Variants in ITPK1 observed in about 807,000 individuals in gnomAD.
ITPK1 encodes inositol-tetrakisphosphate 1-kinase.
A neutral mutation model predicts 45.3 loss-of-function variants in ITPK1; 21 were observed. The ratio of observed to expected loss-of-function variants is 0.46; its 90% confidence interval spans 0.33 to 0.67. ITPK1 has a LOEUF of 0.67. ITPK1 is among the 30% of genes least tolerant of loss of function. The pLI is 0.02. For missense variants in ITPK1, 474 were observed against 573.5 expected (o/e 0.83, Z 1.77); for synonymous variants, 258 against 253.6 (o/e 1.02, Z -0.16).
intron 5 of ITPK1, among the ~76,000 whole-genome samples, chr14:92,973,843 G>A (rs1385330441): frequency 6.6e-6 from 1 of 152,212 alleles, no homozygotes; most frequent in Non-Finnish European, 1.5e-5. Flanking sequence ...CCAATCTGAA[G>A]GGACTTAGAG....
chr14:92,959,312 G>A (rs761040646), intron 7 of ITPK1, among the ~76,000 whole-genome samples: 1 of 152,244 alleles, frequency 6.6e-6, no homozygotes, highest in Non-Finnish European at 1.5e-5. Context: ...GCCACCAGAC[G>A]GCTGGGGCTG....
At chr14:93,073,524 G>T (rs77296296) in intron 3 of ITPK1, among the ~76,000 whole-genome samples, 1,883 of 152,306 alleles carry the variant, frequency 0.012, 40 homozygotes, top group East Asian at 0.095. Flanking sequence ...TGTTACTGTT[G>T]CCATTAAATA....
At chr14:93,044,566 C>T (rs938960829) in intron 3 of ITPK1, among the ~76,000 whole-genome samples, 3 of 152,148 alleles carry the variant, frequency 2.0e-5, no homozygotes, top group Admixed American at 6.6e-5. Flanking sequence ...AGCCACAGGG[C>T]CCCCCAGGTA....
intron 3 of ITPK1, among the ~76,000 whole-genome samples, chr14:93,049,340 G>A (rs1054567440): frequency 6.6e-6 from 1 of 152,216 alleles, no homozygotes; most frequent in Admixed American, 6.5e-5. Context: ...AACACAGTCG[G>A]CTCAGAGGAG....
chr14:92,948,205 G>T (rs777387036), intron 9 of ITPK1, among the ~76,000 whole-genome samples: 4 of 152,140 alleles, frequency 2.6e-5, no homozygotes, highest in Admixed American at 6.5e-5. Flanking sequence ...GAAATGGGGA[G>T]TGAGTGCCGG....
In ITPK1 at chr14:93,046,772, G is replaced by A. The variant is rs192245502; in HGVS notation, c.120+29823C>T. ...TAGTGAATGAATAAAAGCAGCAAAC[G>A]ATGGTTCATTACCATCAAAGCTCAG... is the stretch of plus-strand genomic sequence containing the variant. On this transcript the variant is annotated intron_variant, in intron 3 of 10. Coordinates refer to ENST00000267615, the MANE Select transcript of ITPK1 (RefSeq NM_014216.6). 1.1e-4 allele frequency among the ~76,000 whole-genome samples: 17 copies of A among 152,256 alleles called. No individual in the cohort carries two copies. In the East Asian group the frequency reaches 1.2e-3, roughly 10 times the overall value.
intron 5 of ITPK1, among the ~76,000 whole-genome samples, chr14:92,964,419 G>C (rs71430779): frequency 7.9e-5 from 12 of 152,206 alleles, no homozygotes; most frequent in African/African-American, 2.9e-4. Context: ...GGAGGGAGGG[G>C]AGCTGGTGCT....
intron 4 of ITPK1, among the ~76,000 whole-genome samples, chr14:93,006,292 G>A (rs550369987): frequency 6.6e-6 from 1 of 152,304 alleles, no homozygotes; most frequent in South Asian, 2.1e-4. Context: ...TGGAGCAGAC[G>A]CCAACAACAA....
At chr14:93,068,018 A>G (rs1040287635) in intron 3 of ITPK1, 1 of 153,634 alleles carries the variant, frequency 6.5e-6, no homozygotes, top group Non-Finnish European at 1.5e-5. Flanking sequence ...AAAAAAAAAA[A>G]AATACTATAT....
rs1022722755 is a variant in ITPK1, at chr14:93,099,470, C to T, written c.95+15599G>A. Among the ~76,000 whole-genome samples the T allele has an allele frequency of 2.0e-5, 3 of 152,326 alleles. No homozygotes were observed. The South Asian group carries it at 6.2e-4, about 32-fold the overall frequency. ...AGCGACAGTGGGGCAGGAAAGATGT[C>T]ATCCTTCTCCAGGAACTCAGGCAGC... On this transcript the variant is annotated intron_variant, in intron 2 of 10. Coordinates refer to ENST00000267615, the MANE Select transcript of ITPK1 (RefSeq NM_014216.6).
At chr14:93,088,063 C>T (rs1891716979) in intron 2 of ITPK1, among the ~76,000 whole-genome samples, 3 of 152,214 alleles carry the variant, frequency 2.0e-5, no homozygotes, top group Admixed American at 2.0e-4. Context: ...CTAAAACAGG[C>T]AGCGCTTCAT....
At chr14:93,064,692 G>A (rs896121759) in intron 3 of ITPK1, among the ~76,000 whole-genome samples, 1 of 152,206 alleles carries the variant, frequency 6.6e-6, no homozygotes, top group South Asian at 2.1e-4. Flanking sequence ...GAAAGACTCA[G>A]ATTGACAGTC....
At chr14:93,074,617 C>T (rs544521378) in intron 3 of ITPK1, among the ~76,000 whole-genome samples, 6 of 152,330 alleles carry the variant, frequency 3.9e-5, no homozygotes, top group Non-Finnish European at 8.8e-5. Context: ...CATGGACCCT[C>T]CCAAGTGGCT....
intron 3 of ITPK1, among the ~76,000 whole-genome samples, chr14:93,051,177 C>T (rs767541696): frequency 6.6e-6 from 1 of 152,230 alleles, no homozygotes; most frequent in Non-Finnish European, 1.5e-5. Flanking sequence ...GCTCTCTGCA[C>T]ATACACATGC....
At chr14:93,106,733 C>T (rs979259843) in intron 2 of ITPK1, among the ~76,000 whole-genome samples, 5 of 152,118 alleles carry the variant, frequency 3.3e-5, no homozygotes, top group South Asian at 2.1e-4. Context: ...GTGTACATGC[C>T]GGCAAGGACC....
intron 2 of ITPK1, among the ~76,000 whole-genome samples, chr14:93,093,217 C>T (rs1430026028): frequency 2.6e-5 from 4 of 152,352 alleles, no homozygotes; most frequent in East Asian, 1.9e-4. Context: ...TACATGGACA[C>T]GGCAGAAAGG....
chr14:93,097,158 C>G (rs1278912943), intron 2 of ITPK1, among the ~76,000 whole-genome samples: 1 of 152,222 alleles, frequency 6.6e-6, no homozygotes, highest in Non-Finnish European at 1.5e-5. Context: ...CGCGCAGACC[C>G]GGATCACACA....
intron 3 of ITPK1, among the ~76,000 whole-genome samples, chr14:93,056,902 T>A (rs1036492456): frequency 2.6e-5 from 4 of 152,244 alleles, no homozygotes; most frequent in African/African-American, 9.6e-5. Flanking sequence ...ATAAACCCCA[T>A]GCAAGCATTT....
chr14:93,059,732 CA>C (rs1221210483), intron 3 of ITPK1, among the ~76,000 whole-genome samples: 1 of 38,014 alleles, frequency 2.6e-5, no homozygotes, highest in African/African-American at 1.2e-4. Flanking sequence ...GGTCACGAGG[CA>C]GGGGTGGAGG....
Sources: gnomAD v4.1 joint callset for allele counts (sites outside exome capture counted in the v4.1 genomes callset) on GRCh38, gnomAD v4.1.1 for gene constraint, MANE v1.5 for transcripts, NCBI Gene and HGNC (gene_info 2026-07-23, HGNC 2026-07-21) for gene names.